The following PRR11 variants were observed in gnomAD, a reference collection of about 807,000 sequenced individuals.
PRR11 encodes proline rich 11.
PRR11 carries 30 observed loss-of-function variants against 45.6 expected under a neutral mutation model. The ratio of observed to expected loss-of-function variants is 0.66; its 90% CI spans 0.49 to 0.89. The LOEUF (loss-of-function observed/expected upper bound fraction) is 0.89. Ranked by LOEUF, PRR11 falls within the 40% of genes least tolerant of loss-of-function variation. The probability of loss-of-function intolerance (pLI) is 0.00; values close to 1 mark genes in which losing one functional copy is unlikely to be tolerated. For missense variants in PRR11, 373 were observed against 424.8 expected, an observed-to-expected ratio of 0.88 and a Z score of 1.07; for synonymous variants, 128 against 153.5, an observed-to-expected ratio of 0.83 and a Z score of 1.23.
In PRR11 at chr17:59,203,348, C is replaced by G. The variant is rs2046901863; in HGVS notation, c.*1717C>G. The G allele has an allele frequency of 1.3e-5, 2 of 152,170 alleles. No homozygotes were observed. Among genetic ancestry groups the G allele is most frequent in the African/African-American group, 4.8e-5 (2 of 41,430 alleles). 9.4% of individuals were successfully genotyped at this position (152,170 alleles called of 1,614,324 possible). ...CAAGCAATTCTCCTGCCTCAGCCTCCTGAGTAGCTGGGATTACAGGTGCGC... is the reference window on the plus strand; with the variant it reads ...CAAGCAATTCTCCTGCCTCAGCCTCGTGAGTAGCTGGGATTACAGGTGCGC... On this transcript the variant is annotated 3_prime_UTR_variant, in exon 10 of 10. Transcript: ENST00000262293.
At chr17:59,186,789 G>C (rs1458310041) in intron 4 of PRR11, among the ~76,000 whole-genome samples, 1 of 152,004 alleles carries the variant, frequency 6.6e-6, no homozygotes, top group African/African-American at 2.4e-5. Context: ...ATCAGGAAAA[G>C]GATTAATTAT....
At chr17:59,157,734 A>G (rs1410037003) in intron 1 of PRR11, among the ~76,000 whole-genome samples, 1 of 152,096 alleles carries the variant, frequency 6.6e-6, no homozygotes, top group Admixed American at 6.6e-5. Flanking sequence ...CTAGAAGGAC[A>G]AAGACTATGT....
Position 59,156,948 on chromosome 17 carries a change from T to C in PRR11, c.-6+1143T>C, listed in dbSNP as rs1367756232. On this transcript the variant is annotated intron_variant, in intron 1 of 9. Transcript: ENST00000262293. ...GGCCGCAAAGAACTTTTCATATCAT[T>C]GGGTGGAGTTTTCACAGAAGCAGCA... is the stretch of plus-strand genomic sequence containing the variant. Among the ~76,000 whole-genome samples the C allele has an allele frequency of 3.3e-5, 5 of 152,150 alleles. No homozygotes were observed. The East Asian group carries it at 7.7e-4, about 23-fold the overall frequency.
chr17:59,175,783 C>T (rs1037917256), intron 2 of PRR11, among the ~76,000 whole-genome samples: 7 of 152,074 alleles, frequency 4.6e-5, no homozygotes, highest in African/African-American at 1.7e-4. Flanking sequence ...TGTCACAGCC[C>T]TGTAGTCAAA....
rs71367676 is a variant in PRR11 at position 59,176,684 on chromosome 17, CTTTTTTTTTTTTTTT to C, written c.128+6820_128+6834del. 1.5e-4 allele frequency among the ~76,000 whole-genome samples: 6 copies of C among 39,000 alleles called. 1 individual carries two copies. The highest frequency in any genetic ancestry group is 6.5e-4 in the Admixed American group (2 of 3,072). 25.6% of individuals were successfully genotyped at this position (39,000 alleles called of 152,430 possible). A position where few individuals can be genotyped will look rare whatever the true frequency, so the allele number is the denominator to read the frequency against. ...TGGCGTTGGAATTTGGTTTTTTTGG[CTTTTTTTTTTTTTTT>C]TTTTTTTTTTTTTTTGAGAAAAAGT... is the stretch of plus-strand genomic sequence containing the variant. On this transcript the variant is annotated intron_variant, in intron 2 of 9. Transcript: ENST00000262293.
At chr17:59,160,365 G>GT (rs1555714694) in intron 1 of PRR11, among the ~76,000 whole-genome samples, 2 of 152,120 alleles carry the variant, frequency 1.3e-5, no homozygotes, top group African/African-American at 2.4e-5. Flanking sequence ...ACTTCCTCTT[G>GT]TTGTTTGTTT....
intron 9 of PRR11, 149 bp from the exon 10 acceptor site, chr17:59,201,414 T>G: frequency 1.4e-6 from 1 of 734,914 alleles, no homozygotes; most frequent in Non-Finnish European, 2.3e-6. Flanking sequence ...CAGGAACTTC[T>G]GATTGCATCA....
At chr17:59,181,673 C>T in intron 2 of PRR11, 2 of 1,541,500 alleles carry the variant, frequency 1.3e-6, no homozygotes, top group South Asian at 2.2e-5. Flanking sequence ...GATGACTCCT[C>T]AGATTGGTCC....
In PRR11 at chr17:59,204,623, G is replaced by C. The variant is rs980793698; in HGVS notation, c.*2992G>C. On this transcript the variant is annotated 3_prime_UTR_variant, in exon 10 of 10. Transcript: ENST00000262293. Reference sequence around the variant, plus strand: ...CAGGAAGCTAAAGCACGAGAATTATGTGCATCCTGGAGGTGAAGGTTGCAG... The same window carrying C: ...CAGGAAGCTAAAGCACGAGAATTATCTGCATCCTGGAGGTGAAGGTTGCAG... The C allele has an allele frequency of 6.6e-6, 1 of 150,882 alleles. No individual in the cohort carries two copies. 9.3% of individuals were successfully genotyped at this position (150,882 alleles called of 1,614,324 possible).
Position 59,159,900 on chromosome 17 carries a change from T to C in PRR11, c.-6+4095T>C, listed in dbSNP as rs147038217. On this transcript the variant is annotated intron_variant, in intron 1 of 9. Coordinates refer to ENST00000262293, the MANE Select transcript of PRR11 (RefSeq NM_018304.4). The stretch of plus-strand genomic sequence containing the variant: ...GCTTTATTTCTCCATTAATATCATA[T>C]ACATATCCCATCATAACCCATACAC... Among the ~76,000 whole-genome samples, 1,258 of 152,286 alleles carry C rather than the reference T, an allele frequency of 8.3e-3. 12 individuals are homozygous for C. Among genetic ancestry groups the C allele is most frequent in the South Asian group, 0.016 (75 of 4,826 alleles).
At chr17:59,191,111 C>T (rs577768278) in intron 4 of PRR11, among the ~76,000 whole-genome samples, 1 of 152,270 alleles carries the variant, frequency 6.6e-6, no homozygotes, top group East Asian at 1.9e-4. Context: ...AAGGAGTTTC[C>T]TCCCCTCCTC....
At chr17:59,162,036 T>C (rs1021549797) in intron 1 of PRR11, among the ~76,000 whole-genome samples, 5 of 152,178 alleles carry the variant, frequency 3.3e-5, no homozygotes, top group Non-Finnish European at 7.3e-5. Context: ...TTTGCTATTC[T>C]CCACTTTCGC....
At chr17:59,196,609 T>G (rs1170988258) in intron 7 of PRR11, among the ~76,000 whole-genome samples, 1 of 152,016 alleles carries the variant, frequency 6.6e-6, no homozygotes, top group African/African-American at 2.4e-5. Context: ...ACTCCTGACC[T>G]CAAATGACCC....
chr17:59,198,433 T>G (rs186199111), intron 9 of PRR11, among the ~76,000 whole-genome samples: 95 of 152,220 alleles, frequency 6.2e-4, no homozygotes, highest in African/African-American at 1.8e-3. Context: ...CCCAGCACTT[T>G]GGAAGGCCGA....
intron 2 of PRR11, among the ~76,000 whole-genome samples, chr17:59,170,282 T>C (rs755419208): frequency 1.3e-5 from 2 of 152,156 alleles, no homozygotes; most frequent in African/African-American, 2.4e-5. Context: ...CAGTTAAATT[T>C]GAATTTCAGA....
chr17:59,195,547 A>G, intron 7 of PRR11, 104 bp downstream of exon 7: 1 of 744,318 alleles, frequency 1.3e-6, no homozygotes. Flanking sequence ...GTGTATTTCT[A>G]ATGTTAAAAG....
rs762625478 is a variant in PRR11, at chr17:59,195,344, C to T, written c.758C>T (p.Pro253Leu). The T allele has an allele frequency of 4.2e-5, 68 of 1,612,920 alleles. No homozygotes were observed. The highest frequency in any genetic ancestry group is 1.9e-4 in the South Asian group (17 of 91,064). ...TTATAATTAAAGCTTATACCATCGC[C>T]GAAAGCACGGAATCCACTAGTTACC... ...LDEKRKLIPS[P>L]KARNPLVTVS... is the part of the protein sequence containing the mutation. The change falls in exon 7 of 10, where the codon CCG becomes CTG. Residue 253 changes from proline (P) to leucine (L), a missense_variant. Pro to Leu is a moderately conservative substitution (Grantham distance 98). Coordinates refer to ENST00000262293, the MANE Select transcript of PRR11 (RefSeq NM_018304.4).
At chr17:59,195,199 A>C in intron 6 of PRR11, 132 bp from the exon 7 acceptor site, 1 of 681,186 alleles carries the variant, frequency 1.5e-6, no homozygotes, top group South Asian at 1.8e-5. Flanking sequence ...GAAGCTCTGG[A>C]ATAAAAATTG....
At chr17:59,185,367 A>G in intron 3 of PRR11, 73 bp from the exon 4 acceptor site, 1 of 1,546,028 alleles carries the variant, frequency 6.5e-7, no homozygotes. Flanking sequence ...ACATCAAGTC[A>G]CTTTCTGGTT....
Sources: allele counts gnomAD v4.1 joint callset (sites outside exome capture counted in the v4.1 genomes callset), GRCh38; gene constraint gnomAD v4.1.1; transcripts MANE v1.5; gene names NCBI Gene and HGNC (gene_info 2026-07-23, HGNC 2026-07-21).